CPEB3: variants seen among roughly 807,000 people sequenced by gnomAD.
CPEB3 encodes cytoplasmic polyadenylation element-binding protein 3.
Under a neutral mutation model 67.2 loss-of-function variants are expected in CPEB3, and 20 were observed. The ratio of observed to expected loss-of-function variants is 0.30; its 90% CI spans 0.21 to 0.43. The LOEUF (loss-of-function observed/expected upper bound fraction) is 0.43. Among genes scored for constraint, CPEB3 ranks in the 20% least tolerant of loss-of-function variants. The pLI is 1.00. For missense variants in CPEB3, 746 were observed against 968.6 expected, an observed-to-expected ratio of 0.77 and a Z score of 3.05; for synonymous variants, 376 against 393.1, an observed-to-expected ratio of 0.96 and a Z score of 0.51.
intron 9 of CPEB3, among the ~76,000 whole-genome samples, chr10:92,059,486 G>A (rs1842255777): frequency 6.6e-6 from 1 of 152,012 alleles, no homozygotes; most frequent in African/African-American, 2.4e-5. Flanking sequence ...AGCAAAAGCA[G>A]TACTAAGAGG....
At chr10:92,237,938 G>C (rs7091853) in intron 2 of CPEB3, among the ~76,000 whole-genome samples, 103,507 of 152,120 alleles carry the variant, frequency 0.68, 37,062 homozygotes, top group African/African-American at 0.91. Context: ...AAGATCCTCT[G>C]TCATCAAAGT....
intron 2 of CPEB3, among the ~76,000 whole-genome samples, chr10:92,199,185 A>C (rs1849384509): frequency 6.6e-6 from 1 of 151,382 alleles, no homozygotes; most frequent in Admixed American, 6.6e-5. Flanking sequence ...TGAGGTCGGG[A>C]GTTCGAGACC....
At chr10:92,287,866 G>A (rs1323111933) in intron 1 of CPEB3, among the ~76,000 whole-genome samples, 2 of 151,956 alleles carry the variant, frequency 1.3e-5, no homozygotes, top group African/African-American at 4.8e-5. Flanking sequence ...ATACTCATTA[G>A]CAGTCACTCC....
At chr10:92,101,415 C>T (rs1476846279) in intron 7 of CPEB3, among the ~76,000 whole-genome samples, 2 of 152,110 alleles carry the variant, frequency 1.3e-5, no homozygotes, top group Admixed American at 6.6e-5. Flanking sequence ...ATCAGGACTG[C>T]TCTCCCCAAC....
intron 4 of CPEB3, among the ~76,000 whole-genome samples, chr10:92,165,218 G>A (rs1181277005): frequency 6.6e-6 from 1 of 152,098 alleles, no homozygotes; most frequent in African/African-American, 2.4e-5. Context: ...AGGCTGAGGT[G>A]GGAGGACTGT....
intron 1 of CPEB3, among the ~76,000 whole-genome samples, chr10:92,262,562 T>C (rs1291700152): frequency 6.6e-6 from 1 of 152,136 alleles, no homozygotes; most frequent in African/African-American, 2.4e-5. Context: ...AACCCATGTC[T>C]TTGGCAAGGC....
rs189560774 is a variant in CPEB3, at chr10:92,049,414, A to T, written c.*2798T>A. 5.2e-4 allele frequency: 79 copies of T among 152,586 alleles called. 1 individual carries two copies. Among genetic ancestry groups the T allele is most frequent in the African/African-American group, 1.9e-3 (77 of 41,548 alleles). 9.5% of individuals were successfully genotyped at this position (152,586 alleles called of 1,614,324 possible). A position where few individuals can be genotyped will look rare whatever the true frequency, so the allele number is the denominator to read the frequency against. Reference sequence around the variant, plus strand: ...GAACACCTCTGTGTTTTAAAAAATAATTTTTTTGAAGGACCCTCTCTTTTA... The same window carrying T: ...GAACACCTCTGTGTTTTAAAAAATATTTTTTTTGAAGGACCCTCTCTTTTA... On this transcript the variant is annotated 3_prime_UTR_variant, in exon 10 of 10. Coordinates refer to ENST00000265997, the MANE Select transcript of CPEB3 (RefSeq NM_014912.5).
intron 9 of CPEB3, 108 bp from the exon 10 acceptor site, chr10:92,052,547 C>G (rs1366723355): frequency 1.1e-6 from 1 of 872,592 alleles, no homozygotes; most frequent in Non-Finnish European, 1.8e-6. Context: ...CAATCAGACG[C>G]TGCTTTCAAC....
At chr10:92,203,444 A>G (rs1219805280) in intron 2 of CPEB3, among the ~76,000 whole-genome samples, 4 of 118,464 alleles carry the variant, frequency 3.4e-5, no homozygotes, top group Admixed American at 1.5e-4. Flanking sequence ...ATGTATATGT[A>G]TATATATACG....
At chr10:92,207,263 A>G (rs912355113) in intron 2 of CPEB3, among the ~76,000 whole-genome samples, 8 of 152,062 alleles carry the variant, frequency 5.3e-5, no homozygotes, top group Non-Finnish European at 1.5e-5. Context: ...AATTACAGGC[A>G]TGCACCACCA....
At chr10:92,079,858 T>C (rs1215109649) in intron 9 of CPEB3, among the ~76,000 whole-genome samples, 1 of 152,164 alleles carries the variant, frequency 6.6e-6, no homozygotes, top group East Asian at 1.9e-4. Context: ...GAACATTCTT[T>C]ACTAGAAGAA....
chr10:92,266,179 A>G (rs1252574438), intron 1 of CPEB3, among the ~76,000 whole-genome samples: 1 of 152,072 alleles, frequency 6.6e-6, no homozygotes, highest in Non-Finnish European at 1.5e-5. Flanking sequence ...AAATAAATTT[A>G]TTTTCTTTAT....
intron 9 of CPEB3, among the ~76,000 whole-genome samples, chr10:92,063,266 G>C (rs757763379): frequency 6.6e-6 from 1 of 152,218 alleles, no homozygotes; most frequent in Non-Finnish European, 1.5e-5. Context: ...ACAACTCTTA[G>C]TGGCAGAGAA....
At position 92,099,427 on chromosome 10, in the gene CPEB3, T is replaced by A. The variant is rs375426595; in HGVS notation, c.1573-7483A>T. Among the ~76,000 whole-genome samples, 50 of 152,040 alleles carry A rather than the reference T, an allele frequency of 3.3e-4. 1 individual carries two copies. The highest frequency in any genetic ancestry group is 1.2e-3 in the African/African-American group (49 of 41,412). On this transcript the variant is annotated intron_variant, in intron 7 of 9. Transcript: ENST00000265997. ...TCAGCCTCCCAAAGTGCTAGGATTA[T>A]AGGCATGAGCCACCGTGCCTGACCT...
chr10:92,069,251 CAT>C (rs1842664355), intron 9 of CPEB3, among the ~76,000 whole-genome samples: 1 of 152,004 alleles, frequency 6.6e-6, no homozygotes, highest in Non-Finnish European at 1.5e-5. Context: ...AAATGCCCAA[CAT>C]GTGTCAACTA....
intron 6 of CPEB3, among the ~76,000 whole-genome samples, chr10:92,124,599 G>T (rs989339899): frequency 6.6e-6 from 1 of 151,998 alleles, no homozygotes; most frequent in Non-Finnish European, 1.5e-5. Context: ...TATAAGCCAG[G>T]ACCTGATTTT....
chr10:92,111,162 A>C lies in CPEB3; in HGVS notation c.1486T>G (p.Ser496Ala). Reference protein sequence around the residue: ...YAFLLFQEESSVQALIDACLE... With the variant: ...YAFLLFQEESAVQALIDACLE... ...CAGGCATCTATCAAAGCTTGTACTG[A>C]GCTTTCCTCTTGGAACAGCAGAAAG... Residue 496 changes from serine (S) to alanine (A), a missense_variant, in exon 7 of 10, where the codon TCA (serine) becomes GCA (alanine). Around this residue, in one of 2 missense-constraint regions of CPEB3, gnomAD observed 643 missense variants for 717.5 expected, o/e 0.90. Coordinates refer to ENST00000265997, the MANE Select transcript of CPEB3 (RefSeq NM_014912.5). The C allele has an allele frequency of 6.2e-7, 1 of 1,614,094 alleles. No homozygotes were observed. The highest frequency in any genetic ancestry group is 8.5e-7 in the Non-Finnish European group (1 of 1,179,942).
At chr10:92,291,164 C>G (rs1184896827), upstream of CPEB3, 16 of 452,846 alleles carry the variant, frequency 3.5e-5, no homozygotes, top group Non-Finnish European at 6.3e-5. Flanking sequence ...GGCGGCGACT[C>G]TTACCTCACA....
Position 92,051,101 on chromosome 10 carries a change from C to A in CPEB3, c.*1111G>T, listed in dbSNP as rs1841882570. 1 of 152,578 alleles carries A rather than the reference C, an allele frequency of 6.6e-6. No homozygotes were observed. The highest frequency in any genetic ancestry group is 1.5e-5 in the Non-Finnish European group (1 of 68,048). The allele number at this position is 152,578 out of a possible 1,614,324, so 9.5% of individuals were successfully genotyped here. ...ACAAATTTGCTTGAAGAATATCCTA[C>A]ACCTAGGTTTTATATCGGTTGTAAT... On this transcript the variant is annotated 3_prime_UTR_variant, in exon 10 of 10. Coordinates refer to ENST00000265997, the MANE Select transcript of CPEB3 (RefSeq NM_014912.5).
Sources: gnomAD v4.1 joint callset for allele counts (sites outside exome capture counted in the v4.1 genomes callset) on GRCh38, gnomAD v4.1.1 for gene constraint, gnomAD v4.1.1 regional missense constraint, MANE v1.5 for transcripts, NCBI Gene and HGNC (gene_info 2026-07-23, HGNC 2026-07-21) for gene names.